The following LARP1 variants were observed in gnomAD, a reference collection of about 807,000 sequenced individuals.
The protein encoded by LARP1 is la-related protein 1.
Under a neutral mutation model 122.7 loss-of-function variants are expected in LARP1, and 36 were observed. The ratio of observed to expected loss-of-function variants is 0.29; its 90% CI spans 0.22 to 0.39. LARP1 has a LOEUF of 0.39. Among genes scored for constraint, LARP1 ranks in the 10% least tolerant of loss-of-function variants. The pLI, the probability that LARP1 is intolerant of heterozygous loss-of-function variation, is 1.00. For missense variants in LARP1, 1,040 were observed against 1,403.6 expected (o/e 0.74, Z 4.14); for synonymous variants, 539 against 528.7 (o/e 1.02, Z -0.27).
At chr5:154,706,313 TAATAATA>T (rs1271301489) in intron 1 of LARP1, among the ~76,000 whole-genome samples, 2 of 148,630 alleles carry the variant, frequency 1.3e-5, no homozygotes, top group African/African-American at 4.9e-5. Flanking sequence ...ATAATAATAA[TAATAATA>T]ATAATAATAA....
intron 14 of LARP1, chr5:154,805,134 C>T (rs2113847346): frequency 3.0e-6 from 1 of 338,890 alleles, no homozygotes; most frequent in South Asian, 2.4e-5. Flanking sequence ...ACAACAAACA[C>T]TGGGGCCTAC....
chr5:154,793,953 G>C lies in LARP1; in HGVS notation c.1022G>C (p.Gly341Ala), dbSNP rs1164719682. The change falls in exon 6 of 19, where the codon GGA (glycine) becomes GCA (alanine). Residue 341 changes from glycine to alanine, a missense_variant. This residue lies in a region of LARP1 where 178 missense variants were observed against 178.3 expected (regional missense o/e 1.00). Transcript: ENST00000518297. ...GGARASFRGRGRGRGRGRGRG... is the reference protein window; with the variant it reads ...GGARASFRGRARGRGRGRGRG... ...GCGCGGGCTTCCTTCCGTGGCCGTG[G>C]ACGGGGGCGTGGTCGCGGCCGGGGA... 6.2e-7 allele frequency: 1 copy of C among 1,612,958 alleles called. No homozygotes were observed. The highest frequency in any genetic ancestry group is 1.7e-5 in the Admixed American group (1 of 59,968).
chr5:154,747,575 G>A (rs924871675), intron 1 of LARP1, among the ~76,000 whole-genome samples: 1 of 152,016 alleles, frequency 6.6e-6, no homozygotes, highest in African/African-American at 2.4e-5. Flanking sequence ...ATGTGGTGGC[G>A]GGCACCTGTA....
rs1335764736 is a variant in LARP1 at position 154,795,298 on chromosome 5, T to G, written c.1356T>G (p.Thr452=). The change falls in exon 8 of 19, where the codon ACT becomes ACG. Residue 452 remains threonine, a synonymous_variant. Transcript: ENST00000518297. ...ASFHRVQALT[T]DISLIFAALK... is the part of the protein sequence containing the mutation. ...TCCACCGAGTGCAGGCCCTTACCAC[T>G]GACATTTCACTCATCTTTGCGGTAT... 3 of 1,613,872 alleles carry G rather than the reference T, an allele frequency of 1.9e-6. No individual in the cohort carries two copies. The highest frequency in any genetic ancestry group is 2.7e-5 in the African/African-American group (2 of 74,886).
intron 1 of LARP1, among the ~76,000 whole-genome samples, chr5:154,756,684 C>G (rs1303050931): frequency 6.6e-6 from 1 of 152,132 alleles, no homozygotes; most frequent in East Asian, 1.9e-4. Context: ...ACATGCTGGC[C>G]GCACGGATGC....
intron 1 of LARP1, among the ~76,000 whole-genome samples, chr5:154,775,798 G>A (rs1216067120): frequency 1.3e-5 from 2 of 152,148 alleles, no homozygotes; most frequent in Admixed American, 1.3e-4. Context: ...GGGGTTTGGG[G>A]TAGCCTGGGA....
intron 1 of LARP1, among the ~76,000 whole-genome samples, chr5:154,726,381 A>G (rs1260380203): frequency 6.6e-6 from 1 of 152,224 alleles, no homozygotes; most frequent in Non-Finnish European, 1.5e-5. Context: ...CTATTCGATC[A>G]AAATTTACCT....
In LARP1 at chr5:154,802,429, A is replaced by G. The variant is rs1466417078; in HGVS notation, c.2109+30A>G. On this transcript the variant is annotated intron_variant, in intron 11 of 18. Coordinates refer to ENST00000518297, the MANE Select transcript of LARP1 (RefSeq NM_033551.3). The surrounding 1 kb of genome is among the most constrained non-coding windows in gnomAD (Gnocchi z 5.1). ...GGCTTGGACATAGCAGTGAGTGTGG[A>G]GCCTGGTGTGCCTGTATTGTACGGA... The G allele has an allele frequency of 6.4e-7, 1 of 1,557,278 alleles. No individual in the cohort carries two copies. The highest frequency in any genetic ancestry group is 1.4e-5 in the African/African-American group (1 of 73,428).
chr5:154,796,995 G>A (rs377291745), intron 8 of LARP1, among the ~76,000 whole-genome samples: 8 of 152,064 alleles, frequency 5.3e-5, no homozygotes, highest in African/African-American at 1.9e-4. Context: ...GGATCAAATT[G>A]TCCCACCTTT....
At chr5:154,753,221 C>T (rs1753597711), upstream of LARP1, among the ~76,000 whole-genome samples, 1 of 152,162 alleles carries the variant, frequency 6.6e-6, no homozygotes, top group Non-Finnish European at 1.5e-5. Flanking sequence ...AATTATGTCC[C>T]CTATTAACAA....
At chr5:154,777,006 C>T (rs1425885775) in intron 1 of LARP1, among the ~76,000 whole-genome samples, 4 of 152,128 alleles carry the variant, frequency 2.6e-5, no homozygotes, top group Non-Finnish European at 4.4e-5. Context: ...GGATACATTC[C>T]GAGAAATGTG....
intron 1 of LARP1, among the ~76,000 whole-genome samples, chr5:154,784,362 C>T (rs1022668768): frequency 6.6e-6 from 1 of 152,178 alleles, no homozygotes; most frequent in South Asian, 2.1e-4. Context: ...GGGAGGTCTA[C>T]CCGAAGGAGG....
Position 154,814,213 on chromosome 5 carries a change from C to T in LARP1, c.*117C>T. The T allele has an allele frequency of 9.3e-7, 1 of 1,069,544 alleles. No individual in the cohort carries two copies. Among genetic ancestry groups the T allele is most frequent in the Non-Finnish European group, 1.4e-6 (1 of 726,754 alleles). The allele number at this position is 1,069,544 out of a possible 1,614,324, so 66.3% of individuals were successfully genotyped here. On this transcript the variant is annotated 3_prime_UTR_variant, in exon 19 of 19. Transcript: ENST00000518297. ...AGGGACAGGCCTGGAGTTACTAGGACAGGCCTTTGTGCTGAGTAGCAATGT... is the reference window on the plus strand; with the variant it reads ...AGGGACAGGCCTGGAGTTACTAGGATAGGCCTTTGTGCTGAGTAGCAATGT...
chr5:154,791,576 GTCA>G (rs1757359340), intron 3 of LARP1, among the ~76,000 whole-genome samples: 1 of 152,168 alleles, frequency 6.6e-6, no homozygotes, highest in African/African-American at 2.4e-5. Context: ...GCTAAGAACT[GTCA>G]TCATTTAAAC....
chr5:154,684,927 A>T (rs1257417347), intron 1 of LARP1, among the ~76,000 whole-genome samples: 1 of 152,030 alleles, frequency 6.6e-6, no homozygotes, highest in Non-Finnish European at 1.5e-5. Flanking sequence ...TATGGAAGGG[A>T]TATGGAAGGT....
At chr5:154,741,812 T>G (rs555574285) in intron 1 of LARP1, among the ~76,000 whole-genome samples, 1 of 152,280 alleles carries the variant, frequency 6.6e-6, no homozygotes, top group East Asian at 1.9e-4. Flanking sequence ...TGTTTGTTTG[T>G]TTTTAAGAGA....
intron 1 of LARP1, among the ~76,000 whole-genome samples, chr5:154,757,870 C>CTCCTCCCCTTCCCCCT (rs1215926349): frequency 1.4e-5 from 1 of 72,306 alleles, no homozygotes; most frequent in Non-Finnish European, 2.6e-5. Flanking sequence ...CCCTTCCCCC[C>CTCCTCCCCTTCCCCCT]TCCTCCCCTT....
At chr5:154,712,818 G>T, upstream of LARP1, 1 of 992,866 alleles carries the variant, frequency 1.0e-6, no homozygotes, top group Non-Finnish European at 1.5e-6. Flanking sequence ...AGGAAAACTA[G>T]CCTGGCAACC....
At chr5:154,813,250 A>C (rs967034320) in intron 18 of LARP1, among the ~76,000 whole-genome samples, 1 of 152,146 alleles carries the variant, frequency 6.6e-6, no homozygotes, top group African/African-American at 2.4e-5. Flanking sequence ...GTCACAGAGA[A>C]CCTTTGTGAT....
Sources: gnomAD v4.1 joint callset for allele counts (sites outside exome capture counted in the v4.1 genomes callset) on GRCh38, gnomAD v4.1.1 for gene constraint, gnomAD v4.1.1 regional missense constraint, Gnocchi (gnomAD v3.1) non-coding constraint, MANE v1.5 for transcripts, NCBI Gene and HGNC (gene_info 2026-07-23, HGNC 2026-07-21) for gene names.